The following PIK3C2G variants were observed in gnomAD, a reference collection of about 807,000 sequenced individuals.
PIK3C2G encodes phosphatidylinositol-4-phosphate 3-kinase catalytic subunit type 2 gamma, also known as phosphatidylinositol 3-kinase C2 domain-containing subunit gamma.
Under a neutral mutation model 181.1 loss-of-function variants are expected in PIK3C2G, and 168 were observed. The observed-to-expected ratio is 0.93, with a 90% CI of 0.82 to 1.05. PIK3C2G has a LOEUF of 1.05. Among genes scored for constraint, PIK3C2G ranks in the 50% least tolerant of loss-of-function variants. The pLI is 0.00. For missense variants in PIK3C2G, 1,869 were observed against 1,732.8 expected, an observed-to-expected ratio of 1.08 and a Z score of -1.40; for synonymous variants, 573 against 592.2, an observed-to-expected ratio of 0.97 and a Z score of 0.47.
chr12:18,425,799 A>G (rs1481978378), intron 18 of PIK3C2G, among the ~76,000 whole-genome samples: 1 of 152,232 alleles, frequency 6.6e-6, no homozygotes, highest in Non-Finnish European at 1.5e-5. Flanking sequence ...ACAAGGGTAG[A>G]TAAATACCAT....
intron 18 of PIK3C2G, among the ~76,000 whole-genome samples, chr12:18,439,065 T>C (rs1946597462): frequency 6.6e-6 from 1 of 151,934 alleles, no homozygotes; most frequent in East Asian, 1.9e-4. Context: ...ACTCCTACCA[T>C]TGCATTGCTC....
chr12:18,286,980 T>G (rs775587872), intron 3 of PIK3C2G, 51 bp downstream of exon 3: 1 of 938,558 alleles, frequency 1.1e-6, no homozygotes, highest in Non-Finnish European at 1.6e-6. Context: ...CTGAATAAAT[T>G]TGTGTATTTT....
At chr12:18,583,886 G>T (rs1445917620) in intron 29 of PIK3C2G, among the ~76,000 whole-genome samples, 1 of 152,128 alleles carries the variant, frequency 6.6e-6, no homozygotes, top group Admixed American at 6.5e-5. Context: ...TGGAATGACA[G>T]AAATAGAATT....
rs371668925 is a variant in PIK3C2G, at chr12:18,372,195, ATGTGTG to A, written c.1880+899_1880+904del. 2.0e-5 allele frequency among the ~76,000 whole-genome samples: 3 copies of A among 148,416 alleles called. No homozygotes were observed. The Admixed American group carries it at 2.0e-4, about 10-fold the overall frequency. ...ATTAATTCTGATGTAAGCTGTGTGT[ATGTGTG>A]TGTGTGTGTGTGTGGGCACGTGTGT... On this transcript the variant is annotated intron_variant, in intron 13 of 32. Transcript: ENST00000538779.
At chr12:18,251,814 G>A (rs1228864546) in intron 1 of PIK3C2G, among the ~76,000 whole-genome samples, 3 of 151,952 alleles carry the variant, frequency 2.0e-5, no homozygotes, top group Admixed American at 2.0e-4. Context: ...CAGGATTTGG[G>A]AGGATGTCTG....
At chr12:18,273,530 G>T (rs946085289) in intron 1 of PIK3C2G, among the ~76,000 whole-genome samples, 6 of 152,158 alleles carry the variant, frequency 3.9e-5, no homozygotes, top group African/African-American at 1.4e-4. Context: ...GTAGCTTGAT[G>T]GGGATGGCAT....
chr12:18,461,272 C>G (rs1947906739), intron 18 of PIK3C2G, among the ~76,000 whole-genome samples: 1 of 152,128 alleles, frequency 6.6e-6, no homozygotes, highest in Non-Finnish European at 1.5e-5. Flanking sequence ...CATTTATTGA[C>G]TTATTACATT....
At chr12:18,571,041 T>G (rs1420902968) in intron 29 of PIK3C2G, among the ~76,000 whole-genome samples, 1 of 150,666 alleles carries the variant, frequency 6.6e-6, no homozygotes, top group Non-Finnish European at 1.5e-5. Context: ...CTAGTAAAGG[T>G]TTGATTGCAC....
At chr12:18,632,630 A>G (rs1012012534) in intron 31 of PIK3C2G, among the ~76,000 whole-genome samples, 7 of 152,212 alleles carry the variant, frequency 4.6e-5, no homozygotes, top group Non-Finnish European at 8.8e-5. Flanking sequence ...ACAAAAACTA[A>G]ACTGGTGGTG....
intron 18 of PIK3C2G, among the ~76,000 whole-genome samples, chr12:18,445,952 AGAG>A (rs1473765988): frequency 7.2e-5 from 11 of 152,306 alleles, no homozygotes; most frequent in African/African-American, 2.6e-4. Flanking sequence ...GGGCACAGAG[AGAG>A]GAGGACTGGA....
chr12:18,543,563 T>C (rs146160167), intron 25 of PIK3C2G, among the ~76,000 whole-genome samples: 4 of 152,136 alleles, frequency 2.6e-5, no homozygotes, highest in Non-Finnish European at 5.9e-5. Context: ...AGTTGATTTT[T>C]ATATATGGTG....
At chr12:18,329,059 A>G (rs1951475722) in intron 8 of PIK3C2G, among the ~76,000 whole-genome samples, 1 of 152,002 alleles carries the variant, frequency 6.6e-6, no homozygotes, top group Admixed American at 6.6e-5. Context: ...CTTAAAAGAA[A>G]TAAAGGGCAG....
At chr12:18,660,637 G>A in the PIK3C2G span, among the ~76,000 whole-genome samples, 1 of 152,138 alleles carries the variant, frequency 6.6e-6, no homozygotes, top group Non-Finnish European at 1.5e-5. Flanking sequence ...CTGGTCCTTG[G>A]CACAGAGAAG....
intron 6 of PIK3C2G, among the ~76,000 whole-genome samples, chr12:18,318,449 T>C (rs890599115): frequency 1.3e-5 from 2 of 152,142 alleles, no homozygotes; most frequent in Non-Finnish European, 2.9e-5. Flanking sequence ...ATATACATCA[T>C]AAGAAGATAG....
At chr12:18,713,027 A>C in the PIK3C2G span, 1 of 1,609,156 alleles carries the variant, frequency 6.2e-7, no homozygotes, top group South Asian at 1.1e-5. Flanking sequence ...CTCCTGGACC[A>C]TTAAAAATAT....
chr12:18,341,623 C>T (rs777893466), intron 9 of PIK3C2G, among the ~76,000 whole-genome samples: 2 of 152,010 alleles, frequency 1.3e-5, no homozygotes, highest in South Asian at 4.1e-4. Flanking sequence ...TACTTTTGTT[C>T]ATCTCTTTTT....
intron 18 of PIK3C2G, among the ~76,000 whole-genome samples, chr12:18,463,246 A>G (rs568954408): frequency 1.3e-5 from 2 of 152,264 alleles, no homozygotes; most frequent in South Asian, 4.1e-4. Context: ...CTATTTCACT[A>G]TTTGATTTTC....
the PIK3C2G span, among the ~76,000 whole-genome samples, chr12:18,665,890 G>A: frequency 8.6e-5 from 13 of 150,320 alleles, no homozygotes; most frequent in South Asian, 4.2e-4. Flanking sequence ...AGCCAAGATC[G>A]CGCCATTGTA....
chr12:18,486,126 T>A (rs1940005271), intron 18 of PIK3C2G, among the ~76,000 whole-genome samples: 1 of 152,160 alleles, frequency 6.6e-6, no homozygotes, highest in African/African-American at 2.4e-5. Flanking sequence ...CAGCACTCTA[T>A]GATTTCAATT....
Sources: gnomAD v4.1 joint callset for allele counts (sites outside exome capture counted in the v4.1 genomes callset) on GRCh38, gnomAD v4.1.1 for gene constraint, MANE v1.5 for transcripts, NCBI Gene and HGNC (gene_info 2026-07-23, HGNC 2026-07-21) for gene names.